The following LHX8 variants were observed in gnomAD, a reference collection of about 807,000 sequenced individuals.
LHX8 encodes LIM/homeobox protein Lhx8.
Under a neutral mutation model 40.3 loss-of-function variants are expected in LHX8, and 12 were observed. The observed-to-expected ratio is 0.30, with a 90% confidence interval of 0.19 to 0.48. The LOEUF (loss-of-function observed/expected upper bound fraction) is 0.48. Among genes scored for constraint, LHX8 ranks in the 20% least tolerant of loss-of-function variants. LHX8 has a pLI of 0.99. For synonymous variants in LHX8, 179 were observed against 162.0 expected, an observed-to-expected ratio of 1.10 and a Z score of -0.80; for missense variants, 344 against 433.7, an observed-to-expected ratio of 0.79 and a Z score of 1.84.
At chr1:75,179,721 A>G in the LHX8 span, among the ~76,000 whole-genome samples, 5 of 151,976 alleles carry the variant, frequency 3.3e-5, no homozygotes, top group African/African-American at 9.7e-5. Context: ...TGTGAATTTG[A>G]TCCTGTCATT....
intron 3 of LHX8, 109 bp downstream of exon 3, chr1:75,137,370 A>G (rs1526503): frequency 1 from 1,129,197 of 1,129,396 alleles, 564,500 homozygotes; most frequent in Middle Eastern, 1. Flanking sequence ...GTTCTGGGTG[A>G]AGGTTGTAGG....
At chr1:75,167,734 G>A in the LHX8 span, among the ~76,000 whole-genome samples, 27 of 152,308 alleles carry the variant, frequency 1.8e-4, 1 homozygote, top group Admixed American at 1.5e-3. Flanking sequence ...CTAGCACAGG[G>A]CATTGACAGA....
the LHX8 span, among the ~76,000 whole-genome samples, chr1:75,185,506 T>C: frequency 6.7e-6 from 1 of 150,200 alleles, no homozygotes; most frequent in South Asian, 2.1e-4. Context: ...AAAACACATA[T>C]GATTACCTCA....
chr1:75,190,570 T>G, the LHX8 span, among the ~76,000 whole-genome samples: 4 of 152,208 alleles, frequency 2.6e-5, no homozygotes, highest in Non-Finnish European at 5.9e-5. Flanking sequence ...TATCTTGTCC[T>G]AAATAAATAA....
At chr1:75,131,109 G>C (rs1321779968), upstream of LHX8, 23 of 348,520 alleles carry the variant, frequency 6.6e-5, no homozygotes, top group Non-Finnish European at 1.2e-4. Context: ...CCTGCAGGCC[G>C]CCCGGGAGTC....
the LHX8 span, among the ~76,000 whole-genome samples, chr1:75,169,516 C>T: frequency 6.6e-6 from 1 of 152,074 alleles, no homozygotes; most frequent in Non-Finnish European, 1.5e-5. Context: ...TGGGTGGGTG[C>T]TCTGAAGTGG....
At chr1:75,192,199 G>T in the LHX8 span, among the ~76,000 whole-genome samples, 1 of 152,178 alleles carries the variant, frequency 6.6e-6, no homozygotes, top group South Asian at 2.1e-4. Context: ...AATTAATATA[G>T]TTGTCATATA....
chr1:75,152,593 G>T (rs917062034), intron 7 of LHX8, among the ~76,000 whole-genome samples: 5 of 152,248 alleles, frequency 3.3e-5, no homozygotes, highest in African/African-American at 9.6e-5. Context: ...GAGCAACATT[G>T]TATATCTACC....
the LHX8 span, among the ~76,000 whole-genome samples, chr1:75,192,758 T>A: frequency 6.6e-6 from 1 of 152,032 alleles, no homozygotes; most frequent in Non-Finnish European, 1.5e-5. Context: ...AGTGGTGTGA[T>A]CTCGGCTCAC....
the LHX8 span, among the ~76,000 whole-genome samples, chr1:75,190,507 G>C: frequency 6.6e-6 from 1 of 152,104 alleles, no homozygotes; most frequent in African/African-American, 2.4e-5. Flanking sequence ...GTTTTCACAA[G>C]ATTGTTTTCT....
At chr1:75,178,594 T>A in the LHX8 span, among the ~76,000 whole-genome samples, 3 of 152,326 alleles carry the variant, frequency 2.0e-5, no homozygotes, top group African/African-American at 4.8e-5. Context: ...TAGAGGTCTA[T>A]CAATTTGTTG....
downstream of LHX8, among the ~76,000 whole-genome samples, chr1:75,164,712 G>A (rs942757788): frequency 7.3e-5 from 11 of 150,672 alleles, no homozygotes; most frequent in South Asian, 2.1e-4. Flanking sequence ...TTTGCATTTC[G>A]GAGAACCAGT....
At chr1:75,155,192 A>G (rs1648722053) in intron 7 of LHX8, among the ~76,000 whole-genome samples, 2 of 151,834 alleles carry the variant, frequency 1.3e-5, no homozygotes, top group African/African-American at 2.4e-5. Context: ...GGAGTGATGG[A>G]AAAAAAGTGA....
At chr1:75,145,944 A>G (rs1648449457) in intron 6 of LHX8, among the ~76,000 whole-genome samples, 1 of 152,172 alleles carries the variant, frequency 6.6e-6, no homozygotes, top group Non-Finnish European at 1.5e-5. Context: ...AGCATAGGTA[A>G]TATGCTTTCA....
the LHX8 span, among the ~76,000 whole-genome samples, chr1:75,190,416 T>C: frequency 1.3e-5 from 2 of 152,166 alleles, no homozygotes; most frequent in South Asian, 4.1e-4. Context: ...TACATGTTCA[T>C]ACGTTGATTA....
chr1:75,196,262 G>A, the LHX8 span, among the ~76,000 whole-genome samples: 70 of 152,190 alleles, frequency 4.6e-4, no homozygotes, highest in Middle Eastern at 6.8e-3. Context: ...GGACACTTCA[G>A]AGGTGACTGA....
chr1:75,193,394 G>A, the LHX8 span, among the ~76,000 whole-genome samples: 2 of 152,144 alleles, frequency 1.3e-5, 1 homozygote, highest in South Asian at 4.1e-4. Context: ...AGAATCACCT[G>A]TGGATCCTAT....
the LHX8 span, among the ~76,000 whole-genome samples, chr1:75,196,588 C>T: frequency 1.2e-3 from 186 of 152,022 alleles, no homozygotes; most frequent in African/African-American, 4.0e-3. Context: ...ATGCTTGGCT[C>T]AGTGGTTTAG....
At chr1:75,161,963 A>G (rs1159916180), downstream of LHX8, among the ~76,000 whole-genome samples, 1 of 152,140 alleles carries the variant, frequency 6.6e-6, no homozygotes, top group East Asian at 1.9e-4. Context: ...GTGGCAGTGG[A>G]CTTACAAATT....
Sources: gnomAD v4.1 joint callset for allele counts (sites outside exome capture counted in the v4.1 genomes callset) on GRCh38, gnomAD v4.1.1 for gene constraint, MANE v1.5 for transcripts, NCBI Gene and HGNC (gene_info 2026-07-23, HGNC 2026-07-21) for gene names.